FHIT: variants seen among roughly 807,000 people sequenced by gnomAD.
The protein encoded by FHIT is fragile histidine triad diadenosine triphosphatase.
A neutral mutation model predicts 17.9 loss-of-function variants in FHIT; 19 were observed. The observed-to-expected ratio is 1.06, with a 90% confidence interval of 0.74 to 1.56. FHIT has a LOEUF of 1.56. FHIT is among the 40% of genes most tolerant of loss of function. The pLI, the probability that FHIT is intolerant of heterozygous loss-of-function variation, is 0.00. For synonymous variants in FHIT, 81 were observed against 69.7 expected (o/e 1.16, Z -0.81); for missense variants, 248 against 189.2 (o/e 1.31, Z -1.82).
chr3:60,364,444 T>A (rs1162058919), intron 5 of FHIT, among the ~76,000 whole-genome samples: 1 of 152,244 alleles, frequency 6.6e-6, no homozygotes, highest in Non-Finnish European at 1.5e-5. Context: ...ACTGTATACA[T>A]GTGAGACTGG....
rs554141803 is a variant in FHIT, at chr3:60,123,056, A to C, written c.104-108904T>G. Among the ~76,000 whole-genome samples the C allele has an allele frequency of 3.5e-4, 53 of 152,326 alleles. 1 individual carries two copies. The South Asian group carries it at 0.011, about 32-fold the overall frequency. On this transcript the variant is annotated intron_variant, in intron 5 of 9. Coordinates refer to ENST00000492590, the MANE Select transcript of FHIT (RefSeq NM_002012.4). ...TTACTGACTTCCTAGTTTTCTGTTA[A>C]TTATCATTTCAGAGTAAGAAAAACT...
chr3:60,584,402 C>G (rs1342433289), intron 4 of FHIT, among the ~76,000 whole-genome samples: 2 of 152,002 alleles, frequency 1.3e-5, no homozygotes, highest in Non-Finnish European at 2.9e-5. Context: ...TACACACATA[C>G]AACCCTTGTG....
At chr3:60,490,864 A>G (rs377041936) in intron 5 of FHIT, among the ~76,000 whole-genome samples, 1 of 152,146 alleles carries the variant, frequency 6.6e-6, no homozygotes, top group East Asian at 1.9e-4. Context: ...ATACAGGTAT[A>G]AAGATGTTAA....
At chr3:60,613,065 C>A (rs943771194) in intron 4 of FHIT, among the ~76,000 whole-genome samples, 1 of 152,160 alleles carries the variant, frequency 6.6e-6, no homozygotes, top group African/African-American at 2.4e-5. Flanking sequence ...CAGGAACATG[C>A]CTCTGAATAT....
intron 7 of FHIT, among the ~76,000 whole-genome samples, chr3:59,935,196 A>G (rs1281462092): frequency 6.6e-6 from 1 of 152,184 alleles, no homozygotes; most frequent in African/African-American, 2.4e-5. Context: ...TAATGTCTCC[A>G]TCTGAAAACG....
At chr3:60,827,690 A>C (rs1159444884) in intron 3 of FHIT, among the ~76,000 whole-genome samples, 1 of 152,194 alleles carries the variant, frequency 6.6e-6, no homozygotes, top group Non-Finnish European at 1.5e-5. Flanking sequence ...ACTCCTTATA[A>C]ATGGAACTGC....
intron 8 of FHIT, among the ~76,000 whole-genome samples, chr3:59,911,223 T>C (rs1704856623): frequency 6.6e-6 from 1 of 152,208 alleles, no homozygotes; most frequent in Admixed American, 6.5e-5. Context: ...ATTTAAATTG[T>C]TTCCCAGGTT....
chr3:60,005,014 C>T (rs192672040), intron 7 of FHIT, among the ~76,000 whole-genome samples: 1 of 152,108 alleles, frequency 6.6e-6, no homozygotes, highest in Non-Finnish European at 1.5e-5. Context: ...GAAAGGTTAA[C>T]TCGCCCAGGG....
chr3:60,454,581 T>C (rs1267106725), intron 5 of FHIT, among the ~76,000 whole-genome samples: 1 of 152,070 alleles, frequency 6.6e-6, no homozygotes, highest in East Asian at 1.9e-4. Context: ...AGATGGGGTT[T>C]CACCGTGTTA....
At chr3:60,572,492 C>T (rs2037418687) in intron 4 of FHIT, among the ~76,000 whole-genome samples, 1 of 151,330 alleles carries the variant, frequency 6.6e-6, no homozygotes, top group Non-Finnish European at 1.5e-5. Context: ...GGCTAAAAAT[C>T]CACAGCCAAT....
At chr3:60,229,053 C>T (rs1704357751) in intron 5 of FHIT, among the ~76,000 whole-genome samples, 1 of 152,104 alleles carries the variant, frequency 6.6e-6, no homozygotes, top group East Asian at 1.9e-4. Context: ...TATTAATAAC[C>T]CAGCATATGT....
chr3:60,439,699 AC>A (rs1301714409), intron 5 of FHIT, among the ~76,000 whole-genome samples: 1 of 152,010 alleles, frequency 6.6e-6, no homozygotes, highest in Non-Finnish European at 1.5e-5. Context: ...GTGTCTCCCA[AC>A]CCTTGAGTGT....
At chr3:60,359,535 G>A (rs145863292) in intron 5 of FHIT, among the ~76,000 whole-genome samples, 1,789 of 152,020 alleles carry the variant, frequency 0.012, 29 homozygotes, top group African/African-American at 0.041. Flanking sequence ...CGCCTTGGCC[G>A]CCCAAAGTGC....
chr3:60,766,152 C>A (rs1245342336), intron 4 of FHIT, among the ~76,000 whole-genome samples: 1 of 152,148 alleles, frequency 6.6e-6, no homozygotes, highest in East Asian at 1.9e-4. Flanking sequence ...TACATATATC[C>A]TACTTGTTCT....
intron 5 of FHIT, among the ~76,000 whole-genome samples, chr3:60,204,752 T>A (rs1576304858): frequency 6.6e-6 from 1 of 152,166 alleles, no homozygotes; most frequent in African/African-American, 2.4e-5. Context: ...TGCTCTGGAT[T>A]TAGATAAATG....
At chr3:59,979,160 C>G (rs941044643) in intron 7 of FHIT, among the ~76,000 whole-genome samples, 1 of 152,096 alleles carries the variant, frequency 6.6e-6, no homozygotes, top group African/African-American at 2.4e-5. Context: ...TGAGAGAGCA[C>G]AGAGCCAGGG....
At chr3:60,582,261 G>A (rs2037771191) in intron 4 of FHIT, among the ~76,000 whole-genome samples, 1 of 152,016 alleles carries the variant, frequency 6.6e-6, no homozygotes, top group South Asian at 2.1e-4. Context: ...AGGCATACCT[G>A]TCCCATGTGG....
intron 4 of FHIT, among the ~76,000 whole-genome samples, chr3:60,562,045 T>A (rs970653968): frequency 3.3e-5 from 5 of 152,166 alleles, no homozygotes; most frequent in Non-Finnish European, 7.3e-5. Flanking sequence ...AAAACATGCT[T>A]TCCCTATGTT....
At chr3:60,119,030 A>G (rs1366754962) in intron 5 of FHIT, among the ~76,000 whole-genome samples, 2 of 136,782 alleles carry the variant, frequency 1.5e-5, no homozygotes, top group Non-Finnish European at 3.4e-5. Context: ...CAAAAACAAA[A>G]ACAAAAAAAA....
Sources: gnomAD v4.1 joint callset for allele counts (sites outside exome capture counted in the v4.1 genomes callset) on GRCh38, gnomAD v4.1.1 for gene constraint, MANE v1.5 for transcripts, NCBI Gene and HGNC (gene_info 2026-07-23, HGNC 2026-07-21) for gene names.